The following THOC2 variants were observed in gnomAD, a reference collection of about 807,000 sequenced individuals.
THOC2 encodes the protein THO complex subunit 2, also known as THO complex 2.
THOC2 carries 10 observed loss-of-function variants against 128.4 expected under a neutral mutation model. The observed-to-expected ratio is 0.08, with a 90% CI of 0.05 to 0.13. The LOEUF (loss-of-function observed/expected upper bound fraction) is 0.13. Ranked by LOEUF, THOC2 falls within the 10% of genes least tolerant of loss-of-function variation. The probability of loss-of-function intolerance (pLI) is 1.00; values close to 1 mark genes in which losing one functional copy is unlikely to be tolerated. For missense variants in THOC2, 535 were observed against 1,155.7 expected, an observed-to-expected ratio of 0.46 and a Z score of 7.79; for synonymous variants, 393 against 396.9, an observed-to-expected ratio of 0.99 and a Z score of 0.12.
At chrX:123,647,618 G>A (rs1314609099) in intron 12 of THOC2, among the ~76,000 whole-genome samples, 1 of 110,527 alleles carries the variant, frequency 9.0e-6, no homozygotes, top group South Asian at 3.9e-4. Flanking sequence ...GACAGATCAT[G>A]AGGTCGGGAG....
chrX:123,643,996 C>T (rs1382892985), intron 15 of THOC2, among the ~76,000 whole-genome samples: 1 of 112,368 alleles, frequency 8.9e-6, no homozygotes, highest in East Asian at 2.8e-4. Context: ...TAAACTAATA[C>T]TAATCTGAAG....
Position 123,622,850 on chromosome X carries a change from C to T in THOC2, c.3693G>A (p.Arg1231=), listed in dbSNP as rs758723237. The change falls in exon 30 of 39, where the codon AGG becomes AGA. Residue 1231 remains arginine, a synonymous_variant. Coordinates refer to ENST00000245838, the MANE Select transcript of THOC2 (RefSeq NM_001081550.2). ...ESSTEETDKS[R]ERSQCGVKAV... ...CTTTCACACCACACTGAGATCTCTC[C>T]CTTGATTTATCTGAAATAAAAGTAA... 1.7e-6 allele frequency: 2 copies of T among 1,181,041 alleles called. No homozygotes were observed. The highest frequency in any genetic ancestry group is 4.6e-5 in the Admixed American group (2 of 43,727).
intron 15 of THOC2, among the ~76,000 whole-genome samples, chrX:123,642,561 CAACAG>C (rs1206764161): frequency 9.1e-6 from 1 of 110,123 alleles, no homozygotes; most frequent in Non-Finnish European, 1.9e-5. Context: ...AAAGAGCAAT[CAACAG>C]AACAGTACTT....
intron 22 of THOC2, among the ~76,000 whole-genome samples, chrX:123,630,742 G>A (rs1031026316): frequency 1.8e-5 from 2 of 110,477 alleles, no homozygotes; most frequent in African/African-American, 6.6e-5. Context: ...TCTCAACGAA[G>A]GCTCTTCAAC....
At chrX:123,601,958 T>C (rs1010208703) in intron 38 of THOC2, 1 of 112,756 alleles carries the variant, frequency 8.9e-6, no homozygotes, top group Non-Finnish European at 1.9e-5. Context: ...TAAAAATATA[T>C]TGACTTAATT....
intron 38 of THOC2, among the ~76,000 whole-genome samples, chrX:123,609,769 A>C (rs981356884): frequency 8.9e-6 from 1 of 111,902 alleles, no homozygotes; most frequent in Non-Finnish European, 1.9e-5. Flanking sequence ...AGTGGCTCAC[A>C]CATGTAATCC....
At chrX:123,717,710 C>T (rs1328521433) in intron 1 of THOC2, among the ~76,000 whole-genome samples, 1 of 62,973 alleles carries the variant, frequency 1.6e-5, no homozygotes, top group Non-Finnish European at 3.2e-5. Flanking sequence ...AAAAAAAAAA[C>T]CAATAGCCAA....
chrX:123,621,023 T>TA lies in THOC2; in HGVS notation c.4217-59dup, dbSNP rs201272729. ...GTACATTTCTAGTTTTCCAAACACT[T>TA]AAAAAAAAACACCAACTTGTATGAC... On this transcript the variant is annotated intron_variant, in intron 31 of 38. Coordinates refer to ENST00000245838, the MANE Select transcript of THOC2 (RefSeq NM_001081550.2). The TA allele has an allele frequency of 1.0e-3, 1,172 of 1,164,524 alleles. 8 individuals carry two copies. In the East Asian group the frequency reaches 0.022, roughly 22 times the overall value.
At position 123,683,630 on chromosome X, in the gene THOC2, C is replaced by T. The variant is rs187575542; in HGVS notation, c.768+2918G>A. Reference sequence around the variant, plus strand: ...TTTTTTTTTTTGAGACAGAGTTTCGCTCTTGTTGCCCAGGCTGGAGTGCAA... The same window carrying T: ...TTTTTTTTTTTGAGACAGAGTTTCGTTCTTGTTGCCCAGGCTGGAGTGCAA... On this transcript the variant is annotated intron_variant, in intron 8 of 38. Transcript: ENST00000245838. Among the ~76,000 whole-genome samples, 22 of 108,000 alleles carry T rather than the reference C, an allele frequency of 2.0e-4. No homozygotes were observed. The East Asian group carries it at 6.1e-3, about 30-fold the overall frequency. 93.8% of individuals were successfully genotyped at this position (108,000 alleles called of 115,157 possible). A position where few individuals can be genotyped will look rare whatever the true frequency, so the allele number is the denominator to read the frequency against.
At chrX:123,683,668 G>A (rs1359156254) in intron 8 of THOC2, among the ~76,000 whole-genome samples, 1 of 107,562 alleles carries the variant, frequency 9.3e-6, no homozygotes, top group Non-Finnish European at 1.9e-5. Context: ...GCATGATCTC[G>A]GCTCACCGCT....
intron 33 of THOC2, 117 bp downstream of exon 33, chrX:123,619,284 G>C (rs2047002705): frequency 2.5e-6 from 1 of 395,131 alleles, no homozygotes; most frequent in South Asian, 7.6e-5. Flanking sequence ...TGTAAGCAGA[G>C]TACTTTATCC....
intron 22 of THOC2, among the ~76,000 whole-genome samples, chrX:123,631,412 CAGTT>C (rs942483215): frequency 2.7e-5 from 3 of 112,051 alleles, no homozygotes; most frequent in Admixed American, 9.5e-5. Flanking sequence ...AATCAAGTAG[CAGTT>C]AGTTAGGAAA....
At chrX:123,692,565 G>A (rs2050270051) in intron 7 of THOC2, among the ~76,000 whole-genome samples, 3 of 93,985 alleles carry the variant, frequency 3.2e-5, no homozygotes, top group African/African-American at 4.2e-5. Context: ...GCAGTGGCAC[G>A]ATCTCAGCTC....
chrX:123,605,480 C>T (rs2046431594), intron 38 of THOC2, among the ~76,000 whole-genome samples: 1 of 111,334 alleles, frequency 9.0e-6, no homozygotes, highest in Non-Finnish European at 1.9e-5. Flanking sequence ...GTCTAGTATA[C>T]ATTTAATGGT....
At chrX:123,668,564 AGTAAT>A (rs1446147882) in intron 9 of THOC2, among the ~76,000 whole-genome samples, 1 of 112,193 alleles carries the variant, frequency 8.9e-6, no homozygotes, top group African/African-American at 3.2e-5. Context: ...GAGTCCCTAA[AGTAAT>A]GTAATACCAC....
chrX:123,659,543 C>T (rs1474816263), intron 12 of THOC2, among the ~76,000 whole-genome samples: 1 of 112,159 alleles, frequency 8.9e-6, no homozygotes, highest in Non-Finnish European at 1.9e-5. Flanking sequence ...TGCACTCCAG[C>T]CTGGCAACAG....
chrX:123,631,700 G>A lies in THOC2; in HGVS notation c.2469C>T (p.Ala823=). The A allele has an allele frequency of 2.5e-6, 3 of 1,208,381 alleles. No individual in the cohort carries two copies. Among genetic ancestry groups the A allele is most frequent in the Non-Finnish European group, 3.4e-6 (3 of 894,103 alleles). Residue 823 remains alanine, a synonymous_variant, in exon 22 of 39, where the codon GCC becomes GCT. Transcript: ENST00000245838. The part of the protein sequence containing the change: ...AAFFLSRPMY[A]HHISSKYDEL... ...CACTTGTACTTACCGAAATATGATG[G>A]GCATACATTGGCCTAGACAGGAAAA...
intron 15 of THOC2, among the ~76,000 whole-genome samples, chrX:123,642,294 A>G (rs1428106270): frequency 9.1e-6 from 1 of 109,994 alleles, no homozygotes; most frequent in African/African-American, 3.3e-5. Flanking sequence ...ACTTGGTGGC[A>G]GGCGCCTGTA....
intron 7 of THOC2, among the ~76,000 whole-genome samples, chrX:123,689,647 T>G (rs893286864): frequency 2.7e-5 from 3 of 111,200 alleles, no homozygotes; most frequent in African/African-American, 9.8e-5. Flanking sequence ...CTCAAACTCC[T>G]AGTCTCAAGT....
Sources: allele counts gnomAD v4.1 joint callset (sites outside exome capture counted in the v4.1 genomes callset), GRCh38; gene constraint gnomAD v4.1.1; transcripts MANE v1.5; gene names NCBI Gene and HGNC (gene_info 2026-07-23, HGNC 2026-07-21).